The following BTBD1 variants were observed in gnomAD, a reference collection of about 807,000 sequenced individuals.
The protein encoded by BTBD1 is BTB/POZ domain-containing protein 1.
Under a neutral mutation model 48.0 loss-of-function variants are expected in BTBD1, and 34 were observed. That is an observed-to-expected ratio of 0.71 (90% CI 0.54 to 0.94). The LOEUF is 0.94. Among genes scored for constraint, BTBD1 ranks in the 40% least tolerant of loss-of-function variants. BTBD1 has a pLI of 0.00. For missense variants in BTBD1, 543 were observed against 625.6 expected (o/e 0.87, Z 1.41); for synonymous variants, 261 against 242.1 (o/e 1.08, Z -0.72).
intron 3 of BTBD1, among the ~76,000 whole-genome samples, chr15:83,045,539 T>C (rs537192559): frequency 6.6e-6 from 1 of 152,180 alleles, no homozygotes; most frequent in East Asian, 1.9e-4. Context: ...TTTTCTGCAA[T>C]GGTCTACACA....
chr15:83,050,880 C>A (rs2032968920), intron 2 of BTBD1, among the ~76,000 whole-genome samples: 1 of 152,034 alleles, frequency 6.6e-6, no homozygotes, highest in African/African-American at 2.4e-5. Flanking sequence ...ATGAACCACA[C>A]AAACCTAATG....
chr15:83,019,233 T>G (rs1347041375), intron 6 of BTBD1, among the ~76,000 whole-genome samples: 1 of 152,092 alleles, frequency 6.6e-6, no homozygotes, highest in Non-Finnish European at 1.5e-5. Flanking sequence ...CTAATTTTTT[T>G]GTATTTTTAG....
intron 4 of BTBD1, among the ~76,000 whole-genome samples, chr15:83,039,928 G>A (rs1257978189): frequency 6.6e-6 from 1 of 151,510 alleles, no homozygotes; most frequent in Non-Finnish European, 1.5e-5. Context: ...GTTCATCACA[G>A]CAACGACACT....
At chr15:83,021,742 A>AAAAATAATAATAATAAT (rs71451679) in intron 5 of BTBD1, among the ~76,000 whole-genome samples, 23 of 145,378 alleles carry the variant, frequency 1.6e-4, no homozygotes, top group Admixed American at 5.5e-4. Context: ...ACTCCTTCTC[A>AAAAATAATAATAATAAT]AATAATAATA....
At chr15:83,037,852 A>G (rs2032658914) in intron 4 of BTBD1, among the ~76,000 whole-genome samples, 2 of 152,090 alleles carry the variant, frequency 1.3e-5, no homozygotes, top group Non-Finnish European at 2.9e-5. Context: ...GGAGGCCAAG[A>G]CAGGGTGGAT....
chr15:83,040,223 T>C (rs2032723873), intron 4 of BTBD1, among the ~76,000 whole-genome samples: 1 of 151,838 alleles, frequency 6.6e-6, no homozygotes, highest in Non-Finnish European at 1.5e-5. Flanking sequence ...CTGAGGACTG[T>C]TAAAAAGGGG....
intron 5 of BTBD1, chr15:83,028,559 T>TGG (rs2032455723): frequency 6.6e-6 from 1 of 152,150 alleles, no homozygotes; most frequent in African/African-American, 2.4e-5. Context: ...AAGTAGTACT[T>TGG]TATTCTTTTA....
chr15:83,052,951 T>C (rs1456688749), intron 2 of BTBD1, among the ~76,000 whole-genome samples: 1 of 151,800 alleles, frequency 6.6e-6, no homozygotes, highest in African/African-American at 2.4e-5. Context: ...GACATTTTAA[T>C]TGGCCAACTC....
chr15:83,021,131 T>C (rs1426081224), intron 5 of BTBD1, among the ~76,000 whole-genome samples: 1 of 152,228 alleles, frequency 6.6e-6, no homozygotes, highest in Non-Finnish European at 1.5e-5. Flanking sequence ...ATTCAACAAA[T>C]ACTTACTAAG....
At chr15:83,049,110 A>G (rs1341499579) in intron 3 of BTBD1, among the ~76,000 whole-genome samples, 2 of 152,136 alleles carry the variant, frequency 1.3e-5, no homozygotes, top group Non-Finnish European at 2.9e-5. Flanking sequence ...TTTCCAATCC[A>G]CTTATTCCAG....
At chr15:83,053,949 C>A (rs372390129) in intron 2 of BTBD1, among the ~76,000 whole-genome samples, 1 of 152,202 alleles carries the variant, frequency 6.6e-6, no homozygotes, top group Admixed American at 6.5e-5. Context: ...TCACAACTAT[C>A]GATTTTAGGT....
chr15:83,022,944 A>G (rs1220533955), intron 5 of BTBD1, among the ~76,000 whole-genome samples: 3 of 152,196 alleles, frequency 2.0e-5, no homozygotes, highest in Non-Finnish European at 4.4e-5. Flanking sequence ...TGGGCAACAG[A>G]GCGAGACTCC....
intron 3 of BTBD1, 102 bp downstream of exon 3, chr15:83,049,971 G>A: frequency 4.8e-6 from 3 of 628,998 alleles, no homozygotes; most frequent in Non-Finnish European, 8.1e-6. Flanking sequence ...TCAATCATTT[G>A]GGAAAGCCAC....
chr15:83,022,667 G>GAA, intron 5 of BTBD1: 6 of 118,092 alleles, frequency 5.1e-5, no homozygotes, highest in Non-Finnish European at 8.8e-5. Context: ...ATCTCAAAAA[G>GAA]AAAAAAAAAA....
At chr15:83,044,551 C>G in intron 3 of BTBD1, 1 of 1,502,112 alleles carries the variant, frequency 6.7e-7, no homozygotes, top group Non-Finnish European at 9.2e-7. Flanking sequence ...ACTTTGAAAA[C>G]ACAGTTTTCT....
At chr15:83,056,666 T>G (rs552101750) in intron 1 of BTBD1, 121 bp from the exon 2 acceptor site, 4 of 777,492 alleles carry the variant, frequency 5.1e-6, no homozygotes, top group African/African-American at 2.0e-5. Context: ...CATCCATCCA[T>G]CCACCCACCC....
intron 4 of BTBD1, among the ~76,000 whole-genome samples, chr15:83,036,488 T>C (rs1250166363): frequency 1.3e-5 from 2 of 152,216 alleles, no homozygotes; most frequent in African/African-American, 4.8e-5. Context: ...TGTAAACTGT[T>C]ACAACCACTT....
intron 1 of BTBD1, among the ~76,000 whole-genome samples, chr15:83,061,184 T>G (rs1245554921): frequency 6.6e-6 from 1 of 152,196 alleles, no homozygotes. Flanking sequence ...TACAAACCAG[T>G]ACAGGATGTT....
chr15:83,031,917 AAAAG>A (rs1168295144), intron 4 of BTBD1, among the ~76,000 whole-genome samples: 1 of 152,252 alleles, frequency 6.6e-6, no homozygotes, highest in African/African-American at 2.4e-5. Flanking sequence ...AAAAAATAAA[AAAAG>A]AAAAATAGAT....
Sources: gnomAD v4.1 joint callset for allele counts (sites outside exome capture counted in the v4.1 genomes callset) on GRCh38, gnomAD v4.1.1 for gene constraint, MANE v1.5 for transcripts, NCBI Gene and HGNC (gene_info 2026-07-23, HGNC 2026-07-21) for gene names.